The following PRKN variants were observed in gnomAD, a reference collection of about 807,000 sequenced individuals.
PRKN encodes E3 ubiquitin-protein ligase parkin.
Under a neutral mutation model 59.5 loss-of-function variants are expected in PRKN, and 56 were observed. The ratio of observed to expected loss-of-function variants is 0.94; its 90% confidence interval spans 0.76 to 1.18. The LOEUF is 1.18. PRKN is among the 50% of genes most tolerant of loss of function. The probability of loss-of-function intolerance (pLI) is 0.00; values close to 1 mark genes in which losing one functional copy is unlikely to be tolerated. For missense variants in PRKN, 657 were observed against 596.4 expected (o/e 1.10, Z -1.06); for synonymous variants, 250 against 222.1 (o/e 1.13, Z -1.12).
chr6:162,172,452 A>G (rs77479608), intron 4 of PRKN, among the ~76,000 whole-genome samples: 3,909 of 152,308 alleles, frequency 0.026, 170 homozygotes, highest in African/African-American at 0.088. Flanking sequence ...TTCATCCAGC[A>G]GAGCCAGGCC....
intron 6 of PRKN, among the ~76,000 whole-genome samples, chr6:161,805,044 A>G (rs1264342477): frequency 6.6e-6 from 1 of 152,200 alleles, no homozygotes; most frequent in Non-Finnish European, 1.5e-5. Flanking sequence ...AATCTAGGTT[A>G]TCGTATGGCC....
At chr6:162,461,499 C>CAAAAAAAAAAAAAAAAAAAAAAAAAA (rs780424226) in intron 1 of PRKN, among the ~76,000 whole-genome samples, 4 of 36,516 alleles carry the variant, frequency 1.1e-4, no homozygotes, top group Non-Finnish European at 1.4e-4. Flanking sequence ...TAAAGTGTCT[C>CAAAAAAAAAAAAAAAAAAAAAAAAAA]AAAAAAAAAA....
In PRKN at chr6:162,021,229, AATATAT is replaced by A. The variant is rs1166725786; in HGVS notation, c.618+32856_618+32861del. ...TAATATATAACATCTATATACATCAAATATATATATAATGTACTTAATTGATAAGAA... is the reference window on the plus strand; with the variant it reads ...TAATATATAACATCTATATACATCAAATATAATGTACTTAATTGATAAGAA... On this transcript the variant is annotated intron_variant, in intron 5 of 11. Coordinates refer to ENST00000366898, the MANE Select transcript of PRKN (RefSeq NM_004562.3). 9.3e-4 allele frequency among the ~76,000 whole-genome samples: 129 copies of A among 138,106 alleles called. 2 individuals are homozygous for A. The highest frequency in any genetic ancestry group is 3.2e-3 in the African/African-American group (124 of 38,198). The allele number at this position is 138,106 out of a possible 152,430, so 90.6% of individuals were successfully genotyped here.
intron 7 of PRKN, among the ~76,000 whole-genome samples, chr6:161,705,531 G>T (rs1034831860): frequency 6.6e-5 from 10 of 152,130 alleles, no homozygotes; most frequent in Non-Finnish European, 1.3e-4. Context: ...GCCTCAAAGG[G>T]TTACTATGTA....
chr6:162,453,630 C>T (rs1405931049), intron 1 of PRKN, among the ~76,000 whole-genome samples: 1 of 152,110 alleles, frequency 6.6e-6, no homozygotes, highest in Non-Finnish European at 1.5e-5. Context: ...TGGCCAGACA[C>T]GGTGGCTCAC....
chr6:162,460,855 A>G (rs937230655), intron 1 of PRKN, among the ~76,000 whole-genome samples: 2 of 152,180 alleles, frequency 1.3e-5, no homozygotes, highest in African/African-American at 4.8e-5. Flanking sequence ...AAGAACCTGA[A>G]ATAGTACTAA....
intron 1 of PRKN, among the ~76,000 whole-genome samples, chr6:162,466,073 AT>A (rs1363665010): frequency 6.6e-6 from 1 of 152,176 alleles, no homozygotes; most frequent in African/African-American, 2.4e-5. Context: ...ATATATTTTT[AT>A]GTTTATAACA....
intron 7 of PRKN, among the ~76,000 whole-genome samples, chr6:161,653,129 C>T (rs1784209836): frequency 6.6e-6 from 1 of 151,946 alleles, no homozygotes; most frequent in African/African-American, 2.4e-5. Context: ...TTTGGGAGGC[C>T]GAGGTGGGTG....
At chr6:161,842,575 C>CT in intron 6 of PRKN, among the ~76,000 whole-genome samples, 1 of 149,444 alleles carries the variant, frequency 6.7e-6, no homozygotes, top group East Asian at 2.0e-4. Flanking sequence ...TTTTCTTTTT[C>CT]TTTTTTTGAG....
At chr6:161,706,519 C>G (rs867807226) in intron 7 of PRKN, among the ~76,000 whole-genome samples, 3 of 152,294 alleles carry the variant, frequency 2.0e-5, no homozygotes, top group African/African-American at 4.8e-5. Flanking sequence ...GCAACTGGCA[C>G]GCAGGAAGGA....
chr6:162,251,789 C>G (rs2187210), intron 3 of PRKN, among the ~76,000 whole-genome samples: 33,950 of 152,064 alleles, frequency 0.22, 4,593 homozygotes, highest in African/African-American at 0.37. Context: ...CATGTGGTGT[C>G]TTTCCATGCC....
intron 7 of PRKN, among the ~76,000 whole-genome samples, chr6:161,671,464 G>A (rs1030244483): frequency 6.6e-6 from 1 of 152,090 alleles, no homozygotes; most frequent in African/African-American, 2.4e-5. Flanking sequence ...GCTATGAGTC[G>A]GAGTATTCAA....
chr6:161,434,327 T>C (rs527962488), intron 9 of PRKN, among the ~76,000 whole-genome samples: 4 of 152,314 alleles, frequency 2.6e-5, no homozygotes, highest in Non-Finnish European at 5.9e-5. Context: ...TAAAGTTTTC[T>C]GTGTGCTTTT....
intron 2 of PRKN, among the ~76,000 whole-genome samples, chr6:162,330,474 T>C (rs1467507454): frequency 1.3e-5 from 2 of 152,212 alleles, no homozygotes; most frequent in Admixed American, 6.5e-5. Flanking sequence ...TATCCTCCTG[T>C]TGGTTCAGCG....
At chr6:162,583,110 G>A (rs35044651) in intron 1 of PRKN, among the ~76,000 whole-genome samples, 15,585 of 152,004 alleles carry the variant, frequency 0.1, 934 homozygotes, top group Middle Eastern at 0.19. Flanking sequence ...TGATCCCCTC[G>A]CTCAGGAGGA....
chr6:162,328,760 T>C (rs977129669), intron 2 of PRKN, among the ~76,000 whole-genome samples: 1 of 152,132 alleles, frequency 6.6e-6, no homozygotes, highest in Non-Finnish European at 1.5e-5. Context: ...GAGAATGGAC[T>C]GGATGGAGGA....
intron 6 of PRKN, among the ~76,000 whole-genome samples, chr6:161,971,579 G>T (rs545678202): frequency 6.6e-6 from 1 of 152,280 alleles, no homozygotes; most frequent in African/African-American, 2.4e-5. Context: ...CATTCACCTT[G>T]CCAAGAGAGG....
At chr6:161,989,894 G>A (rs184367150) in intron 5 of PRKN, among the ~76,000 whole-genome samples, 170 of 152,156 alleles carry the variant, frequency 1.1e-3, no homozygotes, top group South Asian at 5.8e-3. Context: ...CCACTCAGCC[G>A]GCTGCCATCA....
At chr6:162,473,766 C>G (rs1454714258) in intron 1 of PRKN, among the ~76,000 whole-genome samples, 2 of 152,010 alleles carry the variant, frequency 1.3e-5, no homozygotes, top group Admixed American at 1.3e-4. Flanking sequence ...GCAGACAATT[C>G]TAGAACCAAG....
Sources: gnomAD v4.1 joint callset for allele counts (sites outside exome capture counted in the v4.1 genomes callset) on GRCh38, gnomAD v4.1.1 for gene constraint, MANE v1.5 for transcripts, NCBI Gene and HGNC (gene_info 2026-07-23, HGNC 2026-07-21) for gene names.